The following LDB2 variants were observed in gnomAD, a reference collection of about 807,000 sequenced individuals.
LDB2 encodes LIM domain binding 2.
LDB2 carries 12 observed loss-of-function variants against 44.3 expected under a neutral mutation model. That is an observed-to-expected ratio of 0.27 (90% CI 0.17 to 0.44). The LOEUF is 0.44. Ranked by LOEUF, LDB2 falls within the 20% of genes least tolerant of loss-of-function variation. LDB2 has a pLI of 1.00. For synonymous variants in LDB2, 164 were observed against 174.8 expected (o/e 0.94, Z 0.49); for missense variants, 344 against 473.5 (o/e 0.73, Z 2.54).
In LDB2 at chr4:16,897,895, A is replaced by AAT. The variant is rs1174965862; in HGVS notation, c.132+457_132+458dup. Among the ~76,000 whole-genome samples the AAT allele has an allele frequency of 2.4e-3, 187 of 78,070 alleles. 1 individual carries two copies. Among genetic ancestry groups the AAT allele is most frequent in the South Asian group, 3.9e-3 (7 of 1,776 alleles). 51.2% of individuals were successfully genotyped at this position (78,070 alleles called of 152,430 possible). The stretch of plus-strand genomic sequence containing the variant: ...TTCCTCTAGGATTTGTAAAAAAGAA[A>AAT]ATATATATATATATATATATATATA... On this transcript the variant is annotated intron_variant, in intron 1 of 7. Transcript: ENST00000304523.
At chr4:16,654,613 C>T (rs1739253180) in intron 2 of LDB2, among the ~76,000 whole-genome samples, 1 of 152,166 alleles carries the variant, frequency 6.6e-6, no homozygotes, top group Admixed American at 6.5e-5. Context: ...AAAATTTAGC[C>T]AACCAAAGTT....
At chr4:16,722,386 A>T (rs914672414) in intron 2 of LDB2, among the ~76,000 whole-genome samples, 4 of 152,142 alleles carry the variant, frequency 2.6e-5, no homozygotes, top group Non-Finnish European at 4.4e-5. Context: ...CTCAGCTGGA[A>T]AACATGAGAG....
At chr4:16,751,912 C>T (rs1490656730) in intron 2 of LDB2, among the ~76,000 whole-genome samples, 3 of 152,170 alleles carry the variant, frequency 2.0e-5, no homozygotes, top group African/African-American at 7.2e-5. Flanking sequence ...ACTCATTAAT[C>T]ACAATATCAG....
intron 5 of LDB2, among the ~76,000 whole-genome samples, chr4:16,580,281 G>A (rs902671295): frequency 6.6e-6 from 1 of 152,168 alleles, no homozygotes; most frequent in Non-Finnish European, 1.5e-5. Flanking sequence ...ATGAAAGAAG[G>A]TGTGGTGAAG....
intron 2 of LDB2, among the ~76,000 whole-genome samples, chr4:16,661,658 T>C (rs753906039): frequency 1.2e-4 from 19 of 152,204 alleles, no homozygotes; most frequent in Non-Finnish European, 8.8e-5. Context: ...ATCAATATCA[T>C]TACAGATGCC....
intron 1 of LDB2, among the ~76,000 whole-genome samples, chr4:16,896,098 A>G (rs1274336319): frequency 6.6e-6 from 1 of 152,152 alleles, no homozygotes; most frequent in African/African-American, 2.4e-5. Context: ...AAAAATGTAA[A>G]CGGTTAGCTC....
chr4:16,892,411 A>T (rs1166236064), intron 1 of LDB2, among the ~76,000 whole-genome samples: 6 of 152,260 alleles, frequency 3.9e-5, no homozygotes, highest in South Asian at 4.2e-4. Context: ...TTTAAATTTT[A>T]AAAAAAATCT....
intron 3 of LDB2, among the ~76,000 whole-genome samples, chr4:16,591,574 C>T (rs1408536127): frequency 6.6e-6 from 1 of 152,150 alleles, no homozygotes; most frequent in Non-Finnish European, 1.5e-5. Flanking sequence ...GGATTTTGGT[C>T]ACTGCTGGTC....
intron 1 of LDB2, among the ~76,000 whole-genome samples, chr4:16,793,861 A>G (rs1000349613): frequency 6.6e-6 from 1 of 152,296 alleles, no homozygotes; most frequent in East Asian, 1.9e-4. Context: ...GGCAGGCTCT[A>G]TCCCCATTTT....
chr4:16,630,674 G>A (rs1246401438), intron 2 of LDB2, among the ~76,000 whole-genome samples: 3 of 152,156 alleles, frequency 2.0e-5, no homozygotes, highest in Non-Finnish European at 2.9e-5. Flanking sequence ...ACCCATCGGT[G>A]TGCTGTATCA....
chr4:16,744,977 CT>C (rs562377770), intron 2 of LDB2, among the ~76,000 whole-genome samples: 17 of 152,090 alleles, frequency 1.1e-4, no homozygotes, highest in Non-Finnish European at 2.4e-4. Flanking sequence ...CTCACAAATA[CT>C]ATAGTAACAG....
rs185647871 is a variant in LDB2, at chr4:16,592,442, C to T, written c.408+3261G>A. Among the ~76,000 whole-genome samples, 522 of 140,664 alleles carry T rather than the reference C, an allele frequency of 3.7e-3. 4 individuals carry two copies. Among genetic ancestry groups the T allele is most frequent in the Middle Eastern group, 7.9e-3 (2 of 252 alleles). 92.3% of individuals were successfully genotyped at this position (140,664 alleles called of 152,430 possible). ...TCCTTAGTGGTACTGCATATGTAAA[C>T]GCATTCATATGCATTATACATACAT... On this transcript the variant is annotated intron_variant, in intron 3 of 7. Coordinates refer to ENST00000304523, the MANE Select transcript of LDB2 (RefSeq NM_001290.5).
In LDB2 at chr4:16,883,634, C is replaced by T. The variant is rs76082127; in HGVS notation, c.132+14720G>A. Among the ~76,000 whole-genome samples the T allele has an allele frequency of 6.6e-3, 1,001 of 152,286 alleles. 15 individuals carry two copies. Among genetic ancestry groups the T allele is most frequent in the African/African-American group, 0.023 (956 of 41,550 alleles). On this transcript the variant is annotated intron_variant, in intron 1 of 7. Coordinates refer to ENST00000304523, the MANE Select transcript of LDB2 (RefSeq NM_001290.5). ...CCATGTGCTGGGTGAGGTCAGGTTT[C>T]ACCGCTTCTTGCCTTTTTCTCTTCC...
rs13135819 is a variant in LDB2 at position 16,854,107 on chromosome 4, T to A, written c.132+44247A>T. ...TAGGTAATATAACTGTATGGTATAGTTGATTCTTACTAAATGAGTAGATTT... is the reference window on the plus strand; with the variant it reads ...TAGGTAATATAACTGTATGGTATAGATGATTCTTACTAAATGAGTAGATTT... On this transcript the variant is annotated intron_variant, in intron 1 of 7. Coordinates refer to ENST00000304523, the MANE Select transcript of LDB2 (RefSeq NM_001290.5). Among the ~76,000 whole-genome samples the A allele has an allele frequency of 4.0e-5, 6 of 151,714 alleles. 1 individual carries two copies. The highest frequency in any genetic ancestry group is 1.5e-4 in the African/African-American group (6 of 41,376).
chr4:16,741,870 C>A (rs534416555), intron 2 of LDB2, among the ~76,000 whole-genome samples: 1 of 152,180 alleles, frequency 6.6e-6, no homozygotes, highest in South Asian at 2.1e-4. Context: ...AATTTAAAGT[C>A]TAAATTATCT....
intron 2 of LDB2, among the ~76,000 whole-genome samples, chr4:16,740,336 C>T (rs1449678848): frequency 6.6e-6 from 1 of 152,236 alleles, no homozygotes; most frequent in Non-Finnish European, 1.5e-5. Flanking sequence ...ATTCCTGGCG[C>T]ATACTGCCCT....
rs537786750 is a variant in LDB2, at chr4:16,810,238, T to G, written c.133-50978A>C. Among the ~76,000 whole-genome samples, 5 of 152,274 alleles carry G rather than the reference T, an allele frequency of 3.3e-5. No homozygotes were observed. The East Asian group carries it at 7.7e-4, about 24-fold the overall frequency. The stretch of plus-strand genomic sequence containing the variant: ...GTCTGGCACCCAGTTCCATGACACA[T>G]GTACAGCAATATCCTTCAACATGAC... On this transcript the variant is annotated intron_variant, in intron 1 of 7. Transcript: ENST00000304523.
intron 1 of LDB2, among the ~76,000 whole-genome samples, chr4:16,863,810 G>A (rs373233860): frequency 6.6e-6 from 1 of 151,974 alleles, no homozygotes; most frequent in South Asian, 2.1e-4. Flanking sequence ...ACAGGCACCC[G>A]CCACCACGCC....
chr4:16,712,755 T>C (rs1186267964), intron 2 of LDB2, among the ~76,000 whole-genome samples: 1 of 152,100 alleles, frequency 6.6e-6, no homozygotes, highest in Non-Finnish European at 1.5e-5. Context: ...ACATTGCTAG[T>C]GGGAATGTAA....
Sources: allele counts gnomAD v4.1 joint callset (sites outside exome capture counted in the v4.1 genomes callset), GRCh38; gene constraint gnomAD v4.1.1; transcripts MANE v1.5; gene names NCBI Gene and HGNC (gene_info 2026-07-23, HGNC 2026-07-21).